Variants in ATP6V1B1 observed in about 807,000 individuals in gnomAD.
ATP6V1B1 encodes the protein V-type proton ATPase subunit B, kidney isoform.
Under a neutral mutation model 62.1 loss-of-function variants are expected in ATP6V1B1, and 41 were observed. The ratio of observed to expected loss-of-function variants is 0.66; its 90% CI spans 0.51 to 0.86. ATP6V1B1 has a LOEUF of 0.86. ATP6V1B1 is among the 40% of genes least tolerant of loss of function. ATP6V1B1 has a pLI of 0.00. For missense variants in ATP6V1B1, 651 were observed against 697.5 expected (o/e 0.93, Z 0.75); for synonymous variants, 253 against 273.4 (o/e 0.93, Z 0.74).
chr2:70,951,412 C>T (rs1553418284), intron 2 of ATP6V1B1, among the ~76,000 whole-genome samples: 2 of 152,066 alleles, frequency 1.3e-5, no homozygotes, highest in African/African-American at 4.8e-5. Flanking sequence ...TACCTGATAT[C>T]GGGTAAGCTG....
chr2:70,954,491 T>C (rs1294058206), intron 2 of ATP6V1B1, among the ~76,000 whole-genome samples: 1 of 152,254 alleles, frequency 6.6e-6, no homozygotes, highest in East Asian at 1.9e-4. Flanking sequence ...CCTCATTCTT[T>C]TCCAGATAAT....
intron 1 of ATP6V1B1, among the ~76,000 whole-genome samples, chr2:70,942,912 G>T (rs2104803434): frequency 6.6e-6 from 1 of 152,338 alleles, no homozygotes; most frequent in East Asian, 1.9e-4. Context: ...ACCAAAACTA[G>T]GCTTGCCTCC....
intron 4 of ATP6V1B1, 137 bp from the exon 5 acceptor site, chr2:70,958,881 T>C: frequency 1.2e-6 from 1 of 814,972 alleles, no homozygotes; most frequent in Non-Finnish European, 2.1e-6. Flanking sequence ...CTGGGTTACC[T>C]GTGGGCTGCC....
chr2:70,942,211 G>A (rs1301851744), intron 1 of ATP6V1B1: 3 of 428,946 alleles, frequency 7.0e-6, no homozygotes, highest in Non-Finnish European at 1.2e-5. Flanking sequence ...GGAATAGGAA[G>A]GAAGAAGAGG....
At chr2:70,964,402 C>A (rs374153030) in intron 11 of ATP6V1B1, 36 bp from the exon 12 acceptor site, 108 of 1,604,486 alleles carry the variant, frequency 6.7e-5, no homozygotes, top group Non-Finnish European at 9.2e-5. Flanking sequence ...AAGCTTGAGT[C>A]CTGCTGTCCA....
At position 70,965,019 on chromosome 2, in the gene ATP6V1B1, C is replaced by T; in HGVS notation, c.1440C>T (p.Ile480=). 1 of 1,613,820 alleles carries T rather than the reference C, an allele frequency of 6.2e-7. No individual in the cohort carries two copies. The highest frequency in any genetic ancestry group is 8.5e-7 in the Non-Finnish European group (1 of 1,180,044). Reference sequence around the variant, plus strand: ...ACCTGGGCTGGAAGCTGCTGCGCATCTTCCCCAAGGAGATGCTGAAGCGCA... The same window carrying T: ...ACCTGGGCTGGAAGCTGCTGCGCATTTTCCCCAAGGAGATGCTGAAGCGCA... The part of the protein sequence containing the change: ...SLDLGWKLLR[I]FPKEMLKRIP... The change falls in exon 14 of 14, where the codon ATC becomes ATT. Residue 480 remains isoleucine (I), a synonymous_variant. Coordinates refer to ENST00000234396, the MANE Select transcript of ATP6V1B1 (RefSeq NM_001692.4).
chr2:70,938,078 A>T (rs1218903632), intron 1 of ATP6V1B1, among the ~76,000 whole-genome samples: 3 of 152,118 alleles, frequency 2.0e-5, no homozygotes, highest in African/African-American at 7.2e-5. Context: ...CAGCGCCTTT[A>T]CTTTTGCTGC....
intron 2 of ATP6V1B1, 27 bp from the exon 3 acceptor site, chr2:70,958,019 C>G (rs144687808): frequency 2.7e-5 from 43 of 1,602,978 alleles, no homozygotes; most frequent in African/African-American, 1.3e-4. Context: ...GTCTCACTGT[C>G]ACGTGGCTGC....
chr2:70,959,164 T>A lies in ATP6V1B1; in HGVS notation c.445+69T>A. 6.5e-7 allele frequency: 1 copy of A among 1,532,998 alleles called. No individual in the cohort carries two copies. The highest frequency in any genetic ancestry group is 9.0e-7 in the Non-Finnish European group (1 of 1,109,000). 95.0% of individuals were successfully genotyped at this position (1,532,998 alleles called of 1,614,324 possible). A position where few individuals can be genotyped will look rare whatever the true frequency, so the allele number is the denominator to read the frequency against. On this transcript the variant is annotated intron_variant, in intron 5 of 13. Coordinates refer to ENST00000234396, the MANE Select transcript of ATP6V1B1 (RefSeq NM_001692.4). This position sits in a 1 kb window ranked among gnomAD's most constrained non-coding sequence, Gnocchi z 4.2. Reference sequence around the variant, plus strand: ...ACACCTTCCCCACTCTTGGAAGTTCTGCCCAGACTCACAAGCAGATCAGAT... The same window carrying A: ...ACACCTTCCCCACTCTTGGAAGTTCAGCCCAGACTCACAAGCAGATCAGAT...
chr2:70,961,095 T>C (rs1680574535), intron 7 of ATP6V1B1, 73 bp downstream of exon 7: 1 of 1,450,558 alleles, frequency 6.9e-7, no homozygotes. Context: ...GCCCCTGGCA[T>C]GACCTGATCT....
At chr2:70,956,644 C>T (rs539378441) in intron 2 of ATP6V1B1, among the ~76,000 whole-genome samples, 1 of 152,226 alleles carries the variant, frequency 6.6e-6, no homozygotes, top group African/African-American at 2.4e-5. Context: ...TCTCTGTTGG[C>T]CAGGCTGGAG....
chr2:70,938,548 A>G, intron 1 of ATP6V1B1: 1 of 985,280 alleles, frequency 1.0e-6, no homozygotes, highest in Non-Finnish European at 1.2e-6. Flanking sequence ...GAGGTGGGCT[A>G]AAGAGGCCTG....
At chr2:70,950,442 A>G (rs1415782304) in intron 2 of ATP6V1B1, among the ~76,000 whole-genome samples, 8 of 152,302 alleles carry the variant, frequency 5.3e-5, no homozygotes, top group Non-Finnish European at 1.0e-4. Context: ...ACATTAAGAC[A>G]ATAATGTTCT....
chr2:70,944,368 G>A (rs976804500), intron 2 of ATP6V1B1: 1 of 541,404 alleles, frequency 1.8e-6, no homozygotes, highest in Non-Finnish European at 2.8e-6. Flanking sequence ...AAAGGTACAA[G>A]ATCACTCTCT....
Position 70,960,902 on chromosome 2 carries a change from C to T in ATP6V1B1, c.586-19C>T, listed in dbSNP as rs1553419933. Reference sequence around the variant, plus strand: ...AGCTCCGACTCTGACGTCCTCCTGCCCAATCCACTCTGCCCTAGATTGCCG... The same window carrying T: ...AGCTCCGACTCTGACGTCCTCCTGCTCAATCCACTCTGCCCTAGATTGCCG... On this transcript the variant is annotated intron_variant, in intron 6 of 13. Coordinates refer to ENST00000234396, the MANE Select transcript of ATP6V1B1 (RefSeq NM_001692.4). 1.9e-6 allele frequency: 3 copies of T among 1,597,478 alleles called. No individual in the cohort carries two copies. The highest frequency in any genetic ancestry group is 2.6e-6 in the Non-Finnish European group (3 of 1,171,552).
intron 2 of ATP6V1B1, among the ~76,000 whole-genome samples, chr2:70,952,096 T>A (rs868942611): frequency 1.1e-4 from 16 of 152,306 alleles, no homozygotes; most frequent in Middle Eastern, 3.4e-3. Context: ...AGGATGTTGA[T>A]GTTGGTTTTG....
chr2:70,948,958 G>A (rs940158165), intron 2 of ATP6V1B1, among the ~76,000 whole-genome samples: 6 of 152,186 alleles, frequency 3.9e-5, no homozygotes, highest in Non-Finnish European at 8.8e-5. Context: ...CTAGTTTGTG[G>A]CCAGTAGGTG....
At chr2:70,942,581 C>A (rs782354551) in intron 1 of ATP6V1B1, 3 of 394,414 alleles carry the variant, frequency 7.6e-6, no homozygotes, top group Non-Finnish European at 8.9e-6. Context: ...GAACCGAGAA[C>A]CAGTGTGGTC....
rs138110368 is a variant in ATP6V1B1 at position 70,938,696 on chromosome 2, C to T, written c.118+2624C>T. 1.5e-3 allele frequency: 1,476 copies of T among 985,414 alleles called. 19 individuals are homozygous for T. In the African/African-American group the frequency reaches 0.024, roughly 16 times the overall value. 61.0% of individuals were successfully genotyped at this position (985,414 alleles called of 1,614,324 possible). A position where few individuals can be genotyped will look rare whatever the true frequency, so the allele number is the denominator to read the frequency against. Reference sequence around the variant, plus strand: ...GGGAAAGAAGGGTCCCCTGTGCCTCCCGTGGAGCTAGAATGGTTCCCCAAG... The same window carrying T: ...GGGAAAGAAGGGTCCCCTGTGCCTCTCGTGGAGCTAGAATGGTTCCCCAAG... On this transcript the variant is annotated intron_variant, in intron 1 of 13. Transcript: ENST00000234396.
Sources: gnomAD v4.1 joint callset for allele counts (sites outside exome capture counted in the v4.1 genomes callset) on GRCh38, gnomAD v4.1.1 for gene constraint, Gnocchi (gnomAD v3.1) non-coding constraint, MANE v1.5 for transcripts, NCBI Gene and HGNC (gene_info 2026-07-23, HGNC 2026-07-21) for gene names.